Variants in FAM110B observed in about 807,000 individuals in gnomAD.
FAM110B encodes the protein protein FAM110B.
A neutral mutation model predicts 20.4 loss-of-function variants in FAM110B; 6 were observed. The ratio of observed to expected loss-of-function variants is 0.29; its 90% CI spans 0.16 to 0.58. The LOEUF (loss-of-function observed/expected upper bound fraction) is 0.58. Ranked by LOEUF, FAM110B falls within the 20% of genes least tolerant of loss-of-function variation. The pLI is 0.90. For synonymous variants in FAM110B, 226 were observed against 214.1 expected (o/e 1.06, Z -0.49); for missense variants, 434 against 498.2 (o/e 0.87, Z 1.23).
chr8:58,097,301 G>T (rs541032016), intron 3 of FAM110B, among the ~76,000 whole-genome samples: 2 of 152,168 alleles, frequency 1.3e-5, no homozygotes, highest in Admixed American at 1.3e-4. Flanking sequence ...TTAAACATCA[G>T]TCTCTGATAT....
intron 1 of FAM110B, among the ~76,000 whole-genome samples, chr8:57,998,018 T>C (rs1373894728): frequency 1.3e-5 from 2 of 152,254 alleles, no homozygotes; most frequent in African/African-American, 4.8e-5. Flanking sequence ...GCCTTGTACA[T>C]TCAGTTGCTG....
intron 2 of FAM110B, among the ~76,000 whole-genome samples, chr8:58,051,983 C>T (rs949817017): frequency 2.0e-5 from 3 of 152,210 alleles, no homozygotes; most frequent in Non-Finnish European, 4.4e-5. Flanking sequence ...TTACTTCTGT[C>T]TGTTTGAATC....
At chr8:58,130,949 A>G (rs1026786088) in intron 3 of FAM110B, among the ~76,000 whole-genome samples, 10 of 152,120 alleles carry the variant, frequency 6.6e-5, no homozygotes, top group Admixed American at 3.3e-4. Context: ...TATTCCCACA[A>G]CAGTATCACT....
chr8:58,136,360 T>C (rs1276523497), intron 3 of FAM110B, among the ~76,000 whole-genome samples: 1 of 152,088 alleles, frequency 6.6e-6, no homozygotes, highest in Non-Finnish European at 1.5e-5. Flanking sequence ...CTGTAAAAAA[T>C]GACAGTGGTC....
intron 2 of FAM110B, among the ~76,000 whole-genome samples, chr8:58,039,981 T>A (rs900568670): frequency 2.6e-5 from 4 of 151,102 alleles, no homozygotes; most frequent in Admixed American, 1.3e-4. Flanking sequence ...TTTAATTAAA[T>A]TTTTAAATCT....
rs758637673 is a variant in FAM110B, at chr8:58,075,911, T to C, written c.-325+288T>C. Among the ~76,000 whole-genome samples, 32 of 152,346 alleles carry C rather than the reference T, an allele frequency of 2.1e-4. No homozygotes were observed. The Middle Eastern group carries it at 0.014, about 65-fold the overall frequency. On this transcript the variant is annotated intron_variant, in intron 3 of 3. Transcript: ENST00000519262. ...TATTAGTTTGTTAAATGCTGTGTGC[T>C]ATTTATCAGGTAATCTCCCAGGAGT... is the stretch of plus-strand genomic sequence containing the variant.
At chr8:58,130,389 C>T (rs951034967) in intron 3 of FAM110B, among the ~76,000 whole-genome samples, 3 of 152,184 alleles carry the variant, frequency 2.0e-5, no homozygotes, top group Admixed American at 2.0e-4. Flanking sequence ...GTTAGAGAGA[C>T]GATTCTTCAA....
At chr8:58,013,711 A>C (rs1004849018) in intron 1 of FAM110B, among the ~76,000 whole-genome samples, 1 of 152,284 alleles carries the variant, frequency 6.6e-6, no homozygotes, top group East Asian at 1.9e-4. Flanking sequence ...CCTCACCCAT[A>C]AACTACAGTT....
intron 2 of FAM110B, among the ~76,000 whole-genome samples, chr8:58,059,052 T>G (rs73236458): frequency 0.062 from 9,369 of 152,242 alleles, 393 homozygotes; most frequent in African/African-American, 0.11. Flanking sequence ...TAACTAGTGC[T>G]CTTTGCATTG....
intron 2 of FAM110B, among the ~76,000 whole-genome samples, chr8:58,033,782 G>GT (rs1346944598): frequency 6.6e-6 from 1 of 152,162 alleles, no homozygotes; most frequent in Non-Finnish European, 1.5e-5. Flanking sequence ...ATTTTTCAGT[G>GT]TTTTTTCATC....
intron 1 of FAM110B, among the ~76,000 whole-genome samples, chr8:58,016,276 C>T (rs763590670): frequency 1.8e-4 from 28 of 152,186 alleles, no homozygotes; most frequent in African/African-American, 3.1e-4. Context: ...TAACAAATGA[C>T]GCCAAAACTT....
chr8:58,012,118 G>T lies in FAM110B; in HGVS notation c.-512+17312G>T, dbSNP rs1306516742. On this transcript the variant is annotated intron_variant, in intron 1 of 3. Coordinates refer to ENST00000519262, the MANE Select transcript of FAM110B (RefSeq NM_001377989.1). ...AGGCAAGTAATTTGATTAGAAAGAT[G>T]AACAGTCAACTTAGGCAAAATTGAG... 2.0e-5 allele frequency among the ~76,000 whole-genome samples: 3 copies of T among 152,182 alleles called. No homozygotes were observed. In the East Asian group the frequency reaches 5.8e-4, roughly 29 times the overall value.
chr8:58,028,107 T>C (rs1020088153), intron 1 of FAM110B, among the ~76,000 whole-genome samples: 1 of 152,212 alleles, frequency 6.6e-6, no homozygotes, highest in African/African-American at 2.4e-5. Context: ...ATAAACACTT[T>C]ATATTTTCTT....
At chr8:58,021,516 A>G (rs1804753161) in intron 1 of FAM110B, among the ~76,000 whole-genome samples, 1 of 152,168 alleles carries the variant, frequency 6.6e-6, no homozygotes, top group Non-Finnish European at 1.5e-5. Context: ...CTTATGGTTT[A>G]AATGTAATTA....
At chr8:58,090,829 G>GT (rs1297395527) in intron 3 of FAM110B, among the ~76,000 whole-genome samples, 2 of 152,222 alleles carry the variant, frequency 1.3e-5, no homozygotes, top group Middle Eastern at 3.4e-3. Context: ...TCTATTGTGT[G>GT]TTTTTTGTGG....
intron 2 of FAM110B, among the ~76,000 whole-genome samples, chr8:58,047,609 T>TCTCTCTCC (rs1805353917): frequency 6.7e-6 from 1 of 149,190 alleles, no homozygotes; most frequent in Non-Finnish European, 1.5e-5. Flanking sequence ...TCTCTCTCTC[T>TCTCTCTCC]CTCTCTCTCT....
chr8:58,024,144 GA>G (rs1804808250), intron 1 of FAM110B, among the ~76,000 whole-genome samples: 1 of 146,942 alleles, frequency 6.8e-6, no homozygotes, highest in Admixed American at 6.8e-5. Context: ...GGCTACATTT[GA>G]GTAAATTTAA....
intron 2 of FAM110B, among the ~76,000 whole-genome samples, chr8:58,055,107 T>A (rs1486127785): frequency 6.6e-6 from 1 of 152,112 alleles, no homozygotes; most frequent in African/African-American, 2.4e-5. Context: ...CCTTTGAGAG[T>A]TTGGGTTTTC....
intron 3 of FAM110B, among the ~76,000 whole-genome samples, chr8:58,081,988 T>C (rs1806204270): frequency 1.3e-5 from 2 of 152,174 alleles, no homozygotes; most frequent in Admixed American, 6.5e-5. Context: ...TTTAAAACTT[T>C]TGCCTTCATC....
Sources: gnomAD v4.1 joint callset for allele counts (sites outside exome capture counted in the v4.1 genomes callset) on GRCh38, gnomAD v4.1.1 for gene constraint, MANE v1.5 for transcripts, NCBI Gene and HGNC (gene_info 2026-07-23, HGNC 2026-07-21) for gene names.